The following CYP19A1 variants were observed in gnomAD, a reference collection of about 807,000 sequenced individuals.
CYP19A1 encodes the protein cytochrome P450 family 19 subfamily A member 1, also known as aromatase.
Under a neutral mutation model 44.4 loss-of-function variants are expected in CYP19A1, and 32 were observed. That is an observed-to-expected ratio of 0.72 (90% CI 0.54 to 0.97). CYP19A1 has a LOEUF of 0.97. Among genes scored for constraint, CYP19A1 ranks in the 50% least tolerant of loss-of-function variants. The probability of loss-of-function intolerance (pLI) is 0.00; values close to 1 mark genes in which losing one functional copy is unlikely to be tolerated. For missense variants in CYP19A1, 598 were observed against 637.8 expected, an observed-to-expected ratio of 0.94 and a Z score of 0.67; for synonymous variants, 212 against 215.6, an observed-to-expected ratio of 0.98 and a Z score of 0.14.
At chr15:51,256,238 T>C (rs1333419669) in intron 1 of CYP19A1, among the ~76,000 whole-genome samples, 2 of 152,046 alleles carry the variant, frequency 1.3e-5, no homozygotes, top group African/African-American at 4.8e-5. Context: ...ATGGAAAAAA[T>C]AAGGACAAAT....
At chr15:51,324,145 G>A (rs2036571251) in intron 1 of CYP19A1, among the ~76,000 whole-genome samples, 1 of 152,132 alleles carries the variant, frequency 6.6e-6, no homozygotes, top group Non-Finnish European at 1.5e-5. Context: ...TTACAATCAA[G>A]CAGCACTTGG....
chr15:51,311,076 T>A (rs1170153832), intron 1 of CYP19A1, among the ~76,000 whole-genome samples: 1 of 151,992 alleles, frequency 6.6e-6, no homozygotes, highest in Non-Finnish European at 1.5e-5. Context: ...CTATATGAAA[T>A]GTCCAGGAAA....
At chr15:51,329,607 G>A (rs1329116844) in intron 1 of CYP19A1, among the ~76,000 whole-genome samples, 2 of 152,210 alleles carry the variant, frequency 1.3e-5, no homozygotes, top group East Asian at 3.9e-4. Flanking sequence ...TTTCCCAGTG[G>A]AGAACCATCT....
chr15:51,265,133 C>T (rs367916364), intron 1 of CYP19A1, among the ~76,000 whole-genome samples: 2 of 152,330 alleles, frequency 1.3e-5, no homozygotes, highest in East Asian at 3.9e-4. Flanking sequence ...GCCTAACTTC[C>T]CAAGCACACT....
intron 1 of CYP19A1, among the ~76,000 whole-genome samples, chr15:51,255,197 C>T (rs1319616314): frequency 1.3e-5 from 2 of 152,156 alleles, no homozygotes; most frequent in Non-Finnish European, 2.9e-5. Flanking sequence ...TAGGAAATCT[C>T]CCTCTTTCCA....
chr15:51,332,180 C>A (rs1207710736), intron 1 of CYP19A1, among the ~76,000 whole-genome samples: 1 of 151,998 alleles, frequency 6.6e-6, no homozygotes, highest in Non-Finnish European at 1.5e-5. Context: ...AATTTGGGAG[C>A]TCTAGTCTAG....
chr15:51,264,786 T>C (rs2034857931), intron 1 of CYP19A1, among the ~76,000 whole-genome samples: 1 of 152,152 alleles, frequency 6.6e-6, no homozygotes, highest in African/African-American at 2.4e-5. Context: ...CAGTGAAGTC[T>C]GATGTTACTT....
At chr15:51,224,305 C>T (rs2032390659) in intron 4 of CYP19A1, among the ~76,000 whole-genome samples, 1 of 152,102 alleles carries the variant, frequency 6.6e-6, no homozygotes, top group Non-Finnish European at 1.5e-5. Context: ...TCAGGAAAAC[C>T]AACAGGGAGT....
At chr15:51,212,251 G>C in intron 9 of CYP19A1, 69 bp downstream of exon 9, 1 of 1,089,208 alleles carries the variant, frequency 9.2e-7, no homozygotes, top group Non-Finnish European at 1.4e-6. Flanking sequence ...CAAACACAAA[G>C]AACCAGAGAG....
In CYP19A1 at chr15:51,218,667, A is replaced by G. The variant is rs1484731499; in HGVS notation, c.629-12T>C. The G allele has an allele frequency of 6.2e-7, 1 of 1,608,252 alleles. No individual in the cohort carries two copies. On this transcript the variant is annotated splice_polypyrimidine_tract_variant and intron_variant, in intron 5 of 9. Coordinates refer to ENST00000396402, the MANE Select transcript of CYP19A1 (RefSeq NM_000103.4). ...CACGATAGCACTTTCTGTAGGAAAA[A>G]AAAACACACATACACAAGAAAGAGC...
In CYP19A1 at chr15:51,222,215, C is replaced by G. The variant is rs751759414; in HGVS notation, c.628+134G>C. On this transcript the variant is annotated intron_variant, in intron 5 of 9. Transcript: ENST00000396402. ...AAAGCAGAAACACTAGGGAAAAAAA[C>G]GAGGAGTACTTAGAAATGTTTAAAC... 3 of 1,492,280 alleles carry G rather than the reference C, an allele frequency of 2.0e-6. 1 individual carries two copies. In the African/African-American group the frequency reaches 4.2e-5, roughly 21 times the overall value. The allele number at this position is 1,492,280 out of a possible 1,614,324, so 92.4% of individuals were successfully genotyped here.
intron 1 of CYP19A1, among the ~76,000 whole-genome samples, chr15:51,317,255 C>T (rs192389897): frequency 1.2e-3 from 183 of 152,268 alleles, no homozygotes; most frequent in African/African-American, 3.7e-3. Context: ...GCCTCCACCA[C>T]CATGCCTGGC....
At chr15:51,227,275 C>T (rs765604456) in intron 4 of CYP19A1, among the ~76,000 whole-genome samples, 4 of 152,004 alleles carry the variant, frequency 2.6e-5, no homozygotes, top group Non-Finnish European at 4.4e-5. Context: ...CAACATTTAC[C>T]ACATGGGGCT....
At chr15:51,259,596 C>A (rs1489226663) in intron 1 of CYP19A1, among the ~76,000 whole-genome samples, 1 of 152,190 alleles carries the variant, frequency 6.6e-6, no homozygotes, top group Admixed American at 6.5e-5. Flanking sequence ...CTTATCAGGG[C>A]TGAAGAAACC....
chr15:51,251,408 C>A (rs2034303906), intron 1 of CYP19A1, among the ~76,000 whole-genome samples: 1 of 152,192 alleles, frequency 6.6e-6, no homozygotes, highest in South Asian at 2.1e-4. Flanking sequence ...TCCTTCTGCG[C>A]ATCTACCTGG....
chr15:51,218,332 C>A (rs764448348), intron 6 of CYP19A1: 9 of 661,626 alleles, frequency 1.4e-5, no homozygotes, highest in Non-Finnish European at 2.2e-5. Flanking sequence ...CGAGAAGCTG[C>A]CCAGCCAAAG....
At chr15:51,287,272 C>G (rs1344142087) in intron 1 of CYP19A1, among the ~76,000 whole-genome samples, 5 of 152,138 alleles carry the variant, frequency 3.3e-5, no homozygotes, top group Non-Finnish European at 7.4e-5. Context: ...AAAAAACAAC[C>G]GAGGCTCCTC....
chr15:51,260,174 T>C (rs976656146), intron 1 of CYP19A1, among the ~76,000 whole-genome samples: 2 of 152,250 alleles, frequency 1.3e-5, no homozygotes, highest in Non-Finnish European at 2.9e-5. Flanking sequence ...GATGGTGGCA[T>C]GCTCTAGGTG....
chr15:51,251,472 C>A (rs772831217), intron 1 of CYP19A1, among the ~76,000 whole-genome samples: 2 of 152,190 alleles, frequency 1.3e-5, no homozygotes, highest in African/African-American at 2.4e-5. Context: ...AATATTTCCA[C>A]AACATAAGTT....
Sources: gnomAD v4.1 joint callset for allele counts (sites outside exome capture counted in the v4.1 genomes callset) on GRCh38, gnomAD v4.1.1 for gene constraint, MANE v1.5 for transcripts, NCBI Gene and HGNC (gene_info 2026-07-23, HGNC 2026-07-21) for gene names.